The following PTPRD variants were observed in gnomAD, a reference collection of about 807,000 sequenced individuals.
The protein encoded by PTPRD is receptor-type tyrosine-protein phosphatase delta.
PTPRD carries 34 observed loss-of-function variants against 214.5 expected under a neutral mutation model. That is an observed-to-expected ratio of 0.16 (90% CI 0.12 to 0.21). The LOEUF is 0.21. Among genes scored for constraint, PTPRD ranks in the 10% least tolerant of loss-of-function variants. PTPRD has a pLI of 1.00. For synonymous variants in PTPRD, 1,128 were observed against 845.7 expected, an observed-to-expected ratio of 1.33 and a Z score of -5.79; for missense variants, 2,545 against 2,398.7, an observed-to-expected ratio of 1.06 and a Z score of -1.27.
At chr9:9,644,566 G>T (rs371780111) in intron 7 of PTPRD, among the ~76,000 whole-genome samples, 159 of 152,282 alleles carry the variant, frequency 1.0e-3, no homozygotes, top group African/African-American at 3.8e-3. Context: ...ACCTGAATTT[G>T]AATCTTGACA....
chr9:9,319,329 T>C (rs1263750038), intron 9 of PTPRD, among the ~76,000 whole-genome samples: 1 of 152,222 alleles, frequency 6.6e-6, no homozygotes, highest in Non-Finnish European at 1.5e-5. Flanking sequence ...AGTGAGGGGT[T>C]GAATGTTAAT....
intron 11 of PTPRD, among the ~76,000 whole-genome samples, chr9:8,966,853 T>G (rs997064616): frequency 2.6e-5 from 4 of 152,010 alleles, no homozygotes; most frequent in African/African-American, 9.7e-5. Context: ...TCACAAACTG[T>G]GCATCCGACA....
In PTPRD at chr9:10,533,703, G is replaced by C. The variant is rs554687860; in HGVS notation, c.-600+78695C>G. On this transcript the variant is annotated intron_variant, in intron 2 of 45. Coordinates refer to ENST00000381196, the MANE Select transcript of PTPRD (RefSeq NM_002839.4). ...GCATTAATATGCACCCAATTATATA[G>C]ATATCAGGGAATTAAGAGCTTTTTA... 4.0e-4 allele frequency among the ~76,000 whole-genome samples: 61 copies of C among 151,662 alleles called. No individual in the cohort carries two copies. The South Asian group carries it at 0.01, about 25-fold the overall frequency.
intron 7 of PTPRD, among the ~76,000 whole-genome samples, chr9:9,579,182 A>T (rs111944286): frequency 6.6e-6 from 1 of 152,144 alleles, no homozygotes; most frequent in African/African-American, 2.4e-5. Context: ...TTATATATTT[A>T]TTATGAGTCT....
At chr9:10,474,710 C>T (rs2099051791) in intron 2 of PTPRD, among the ~76,000 whole-genome samples, 1 of 152,096 alleles carries the variant, frequency 6.6e-6, no homozygotes, top group Non-Finnish European at 1.5e-5. Flanking sequence ...ACCACCTACT[C>T]TAAAACAGAC....
intron 9 of PTPRD, among the ~76,000 whole-genome samples, chr9:9,330,906 T>C (rs2042060283): frequency 7.1e-6 from 1 of 140,318 alleles, no homozygotes; most frequent in Non-Finnish European, 1.6e-5. Flanking sequence ...AAAGAAGAGC[T>C]TTTTTTTTTT....
At chr9:8,472,781 T>C (rs922552883) in intron 30 of PTPRD, among the ~76,000 whole-genome samples, 2 of 152,316 alleles carry the variant, frequency 1.3e-5, no homozygotes, top group Non-Finnish European at 2.9e-5. Context: ...ACTTAAAATG[T>C]CACATGTGAC....
At chr9:9,326,021 C>T (rs1296374592) in intron 9 of PTPRD, among the ~76,000 whole-genome samples, 1 of 151,772 alleles carries the variant, frequency 6.6e-6, no homozygotes, top group Non-Finnish European at 1.5e-5. Flanking sequence ...GTTGAACCAG[C>T]CTTGCATCCC....
chr9:8,675,063 T>A (rs929688086), intron 12 of PTPRD, among the ~76,000 whole-genome samples: 1 of 152,186 alleles, frequency 6.6e-6, no homozygotes, highest in Non-Finnish European at 1.5e-5. Context: ...AACATCCACC[T>A]TCTTTATTTT....
chr9:9,303,771 A>T (rs1956245024), intron 9 of PTPRD, among the ~76,000 whole-genome samples: 1 of 152,152 alleles, frequency 6.6e-6, no homozygotes, highest in South Asian at 2.1e-4. Context: ...AATCACTTTC[A>T]TGGTCTCAGA....
chr9:9,184,234 A>C (rs2099930012), intron 9 of PTPRD, among the ~76,000 whole-genome samples: 1 of 152,036 alleles, frequency 6.6e-6, no homozygotes, highest in African/African-American at 2.4e-5. Flanking sequence ...ACACGTTATC[A>C]CATCACCCTG....
At chr9:9,958,326 T>C (rs2094109175) in intron 4 of PTPRD, among the ~76,000 whole-genome samples, 1 of 152,124 alleles carries the variant, frequency 6.6e-6, no homozygotes, top group Non-Finnish European at 1.5e-5. Flanking sequence ...GGTCAGGAGT[T>C]CAAGGCCAGC....
intron 32 of PTPRD, among the ~76,000 whole-genome samples, chr9:8,462,668 G>A (rs2096445478): frequency 6.6e-6 from 1 of 151,676 alleles, no homozygotes; most frequent in Non-Finnish European, 1.5e-5. Context: ...CAACTCTCCA[G>A]GCCCCCACTT....
chr9:9,091,703 T>C (rs183716224), intron 10 of PTPRD, among the ~76,000 whole-genome samples: 24 of 152,322 alleles, frequency 1.6e-4, no homozygotes, highest in African/African-American at 5.5e-4. Context: ...TTTGCTAAAA[T>C]TCCCAATCAC....
At chr9:10,213,957 G>T (rs1396467558) in intron 3 of PTPRD, among the ~76,000 whole-genome samples, 5 of 151,988 alleles carry the variant, frequency 3.3e-5, no homozygotes, top group Admixed American at 2.6e-4. Context: ...AAAAATTCTG[G>T]CTGCTGGATC....
chr9:8,664,212 A>T (rs895786464), intron 12 of PTPRD, among the ~76,000 whole-genome samples: 15 of 152,226 alleles, frequency 9.9e-5, no homozygotes, highest in African/African-American at 3.6e-4. Flanking sequence ...TTCAAGATTC[A>T]TATCAGAATC....
chr9:9,182,206 T>C (rs2099928601), intron 10 of PTPRD, among the ~76,000 whole-genome samples: 1 of 152,092 alleles, frequency 6.6e-6, no homozygotes, highest in Non-Finnish European at 1.5e-5. Context: ...TATCATCTTA[T>C]TTGACTTCAG....
rs532507500 is a variant in PTPRD, at chr9:8,925,429, A to G, written c.-104+93268T>C. Among the ~76,000 whole-genome samples, 2 of 152,242 alleles carry G rather than the reference A, an allele frequency of 1.3e-5. 1 individual carries two copies. Among genetic ancestry groups the G allele is most frequent in the East Asian group, 3.9e-4 (2 of 5,176 alleles). The stretch of plus-strand genomic sequence containing the variant: ...AATGTCAAAAGCAAGTAAGTCACCT[A>G]CATAATTTCTGAAACATAAGACACA... On this transcript the variant is annotated intron_variant, in intron 11 of 45. Transcript: ENST00000381196.
chr9:9,130,081 A>G (rs1197047426), intron 10 of PTPRD, among the ~76,000 whole-genome samples: 1 of 152,170 alleles, frequency 6.6e-6, no homozygotes, highest in Non-Finnish European at 1.5e-5. Context: ...TGTCTATCTT[A>G]TGTTAAGTAC....
Sources: gnomAD v4.1 joint callset for allele counts (sites outside exome capture counted in the v4.1 genomes callset) on GRCh38, gnomAD v4.1.1 for gene constraint, MANE v1.5 for transcripts, NCBI Gene and HGNC (gene_info 2026-07-23, HGNC 2026-07-21) for gene names.